Variants in CCDC171 observed in about 807,000 individuals in gnomAD.
CCDC171 encodes the protein coiled-coil domain-containing protein 171.
Under a neutral mutation model 168.2 loss-of-function variants are expected in CCDC171, and 177 were observed. The observed-to-expected ratio is 1.05, with a 90% CI of 0.93 to 1.19. CCDC171 has a LOEUF of 1.19. Among genes scored for constraint, CCDC171 ranks in the 50% most tolerant of loss-of-function variants. The pLI is 0.00. For synonymous variants in CCDC171, 687 were observed against 540.8 expected, an observed-to-expected ratio of 1.27 and a Z score of -3.75; for missense variants, 1,991 against 1,539.0, an observed-to-expected ratio of 1.29 and a Z score of -4.91.
intron 24 of CCDC171, among the ~76,000 whole-genome samples, chr9:15,905,475 G>C (rs952081698): frequency 5.9e-5 from 9 of 152,004 alleles, no homozygotes; most frequent in African/African-American, 2.2e-4. Flanking sequence ...TGAAACCAAC[G>C]AGAACAAAGA....
In CCDC171 at chr9:15,994,586, A is replaced by AT. The variant is rs572468999; in HGVS notation, n.369-26003_369-26002insT. Among the ~76,000 whole-genome samples, 345 of 152,202 alleles carry AT rather than the reference A, an allele frequency of 2.3e-3. 2 individuals are homozygous for AT. The highest frequency in any genetic ancestry group is 7.4e-3 in the African/African-American group (306 of 41,508). ...GTACCCTAGAACTTAAAGTATATAT[A>AT]AAAAAAAGTTTCTCTTAGATTTTAT... On this transcript the variant is annotated intron_variant and non_coding_transcript_variant, in intron 3 of 9. Transcript: ENST00000486641.
chr9:15,625,795 T>C (rs556645995), intron 7 of CCDC171, among the ~76,000 whole-genome samples: 10 of 152,346 alleles, frequency 6.6e-5, no homozygotes, highest in Non-Finnish European at 1.0e-4. Flanking sequence ...GTCTTGGCAA[T>C]GCGGGCTCTT....
chr9:15,684,479 A>T (rs1050379040), intron 10 of CCDC171, among the ~76,000 whole-genome samples: 2 of 151,910 alleles, frequency 1.3e-5, no homozygotes, highest in African/African-American at 4.8e-5. Flanking sequence ...GATCAGCAAG[A>T]CCCATTTACC....
intron 6 of CCDC171, among the ~76,000 whole-genome samples, chr9:15,622,702 G>C (rs973485306): frequency 6.6e-6 from 1 of 152,176 alleles, no homozygotes; most frequent in Non-Finnish European, 1.5e-5. Flanking sequence ...AGAGATTTTA[G>C]TATAAGACTA....
intron 11 of CCDC171, among the ~76,000 whole-genome samples, chr9:15,718,507 G>C (rs1564277627): frequency 6.6e-6 from 1 of 152,242 alleles, no homozygotes; most frequent in Non-Finnish European, 1.5e-5. Context: ...AATGGTTACA[G>C]CAGGTCTTGG....
At chr9:15,948,486 T>C (rs1350473240) in intron 25 of CCDC171, among the ~76,000 whole-genome samples, 142 of 146,966 alleles carry the variant, frequency 9.7e-4, no homozygotes, top group Admixed American at 8.4e-3. Flanking sequence ...CTCCAGCACC[T>C]GTTGTTTCCT....
At chr9:15,599,813 A>G (rs781202522) in intron 6 of CCDC171, among the ~76,000 whole-genome samples, 2 of 152,148 alleles carry the variant, frequency 1.3e-5, no homozygotes, top group African/African-American at 2.4e-5. Flanking sequence ...GTCTTTTCAC[A>G]TAGCCCCATA....
chr9:16,002,254 A>G (rs1325104375), intron 3 of CCDC171, among the ~76,000 whole-genome samples: 2 of 150,882 alleles, frequency 1.3e-5, no homozygotes, highest in South Asian at 4.2e-4. Flanking sequence ...AGAAGAAGAC[A>G]TTGTTATCAT....
intron 24 of CCDC171, among the ~76,000 whole-genome samples, chr9:15,918,901 A>G (rs371157836): frequency 6.8e-4 from 103 of 151,570 alleles, no homozygotes; most frequent in African/African-American, 2.3e-3. Context: ...ATCTTTTCTA[A>G]TTTTTCATCC....
intron 3 of CCDC171, among the ~76,000 whole-genome samples, chr9:16,011,433 C>A (rs1189263968): frequency 6.6e-6 from 1 of 152,026 alleles, no homozygotes; most frequent in Non-Finnish European, 1.5e-5. Flanking sequence ...CAGCAAAATT[C>A]TCTTAGAGAT....
chr9:15,859,727 A>G (rs2061484469), intron 23 of CCDC171, among the ~76,000 whole-genome samples: 1 of 150,288 alleles, frequency 6.7e-6, no homozygotes, highest in African/African-American at 2.5e-5. Flanking sequence ...TGGCATACTC[A>G]TAGCTCACTG....
At chr9:15,592,068 G>C (rs1233794592) in intron 5 of CCDC171, among the ~76,000 whole-genome samples, 1 of 151,736 alleles carries the variant, frequency 6.6e-6, no homozygotes, top group African/African-American at 2.4e-5. Context: ...TAAAGTAAAA[G>C]TGATATAAGG....
At chr9:15,619,499 T>C (rs1156789074) in intron 6 of CCDC171, among the ~76,000 whole-genome samples, 1 of 152,172 alleles carries the variant, frequency 6.6e-6, no homozygotes, top group Non-Finnish European at 1.5e-5. Flanking sequence ...AACAAGACCC[T>C]AACTCTCTTC....
chr9:15,575,723 A>C (rs1322001341), intron 3 of CCDC171, among the ~76,000 whole-genome samples: 2 of 152,248 alleles, frequency 1.3e-5, no homozygotes, highest in African/African-American at 4.8e-5. Flanking sequence ...TCCTCCTTTT[A>C]ACAAGTCATA....
At chr9:15,813,405 A>G (rs1429614061) in intron 21 of CCDC171, among the ~76,000 whole-genome samples, 1 of 152,154 alleles carries the variant, frequency 6.6e-6, no homozygotes, top group African/African-American at 2.4e-5. Flanking sequence ...TTTGGAATTT[A>G]TGTGACCAAA....
chr9:16,095,492 T>G, the CCDC171 span, among the ~76,000 whole-genome samples: 161 of 150,210 alleles, frequency 1.1e-3, 2 homozygotes, highest in African/African-American at 3.8e-3. Flanking sequence ...TTTCTCTATA[T>G]CTCTCTTTCC....
chr9:15,992,077 T>C (rs13298435), intron 3 of CCDC171, among the ~76,000 whole-genome samples: 1 of 152,038 alleles, frequency 6.6e-6, no homozygotes, highest in Non-Finnish European at 1.5e-5. Context: ...TAACTCATTT[T>C]ATGAGGCCAG....
chr9:15,744,167 A>C, intron 16 of CCDC171, 106 bp from the exon 17 acceptor site: 1 of 867,292 alleles, frequency 1.2e-6, no homozygotes, highest in East Asian at 2.7e-5. Flanking sequence ...TCTTTTAAAG[A>C]GGAAGAAGTG....
In CCDC171 at chr9:15,972,049, G is replaced by C; in HGVS notation, c.*213G>C. The C allele has an allele frequency of 2.0e-6, 1 of 504,364 alleles. No homozygotes were observed. The highest frequency in any genetic ancestry group is 3.2e-5 in the East Asian group (1 of 31,734). The allele number at this position is 504,364 out of a possible 1,614,324, so 31.2% of individuals were successfully genotyped here. A position where few individuals can be genotyped will look rare whatever the true frequency, so the allele number is the denominator to read the frequency against. On this transcript the variant is annotated 3_prime_UTR_variant, in exon 26 of 26. Transcript: ENST00000380701. ...CCAAGTTTTATTTGTTATCACAGTT[G>C]CTCATTTTTATGTAACATATTTTTA...
Sources: gnomAD v4.1 joint callset for allele counts (sites outside exome capture counted in the v4.1 genomes callset) on GRCh38, gnomAD v4.1.1 for gene constraint, MANE v1.5 for transcripts, NCBI Gene and HGNC (gene_info 2026-07-23, HGNC 2026-07-21) for gene names.